The following CHRNA2 variants were observed in gnomAD, a reference collection of about 807,000 sequenced individuals.
CHRNA2 encodes neuronal acetylcholine receptor subunit alpha-2.
Under a neutral mutation model 45.5 loss-of-function variants are expected in CHRNA2, and 40 were observed. The observed-to-expected ratio is 0.88, with a 90% CI of 0.68 to 1.15. The LOEUF (loss-of-function observed/expected upper bound fraction) is 1.15. Among genes scored for constraint, CHRNA2 ranks in the 50% most tolerant of loss-of-function variants. The pLI is 0.00. For synonymous variants in CHRNA2, 301 were observed against 296.7 expected (o/e 1.01, Z -0.15); for missense variants, 655 against 701.7 (o/e 0.93, Z 0.75).
intron 4 of CHRNA2, 49 bp downstream of exon 4, chr8:27,469,286 C>T: frequency 6.5e-7 from 1 of 1,535,114 alleles, no homozygotes; most frequent in Non-Finnish European, 8.8e-7. Flanking sequence ...GTCTGGGGTC[C>T]ATGGATTCCC....
Position 27,463,251 on chromosome 8 carries a change from T to C in CHRNA2, c.1192A>G (p.Ser398Gly), listed in dbSNP as rs1375759256. ...ELCHPLRLKL[S>G]PSYHWLESNV... Reference sequence around the variant, plus strand: ...CTCTCCAGCCAGTGATAAGAGGGGCTGAGCTTCAGGCGTAGGGGGTGGCAG... The same window carrying C: ...CTCTCCAGCCAGTGATAAGAGGGGCCGAGCTTCAGGCGTAGGGGGTGGCAG... The change falls in exon 6 of 7, where the codon AGC becomes GGC. Residue 398 changes from serine to glycine, a missense_variant. Coordinates refer to ENST00000407991, the MANE Select transcript of CHRNA2 (RefSeq NM_000742.4). The surrounding 1 kb of genome is among the most constrained non-coding windows in gnomAD (Gnocchi z 6.1). 6.3e-7 allele frequency: 1 copy of C among 1,599,026 alleles called. No individual in the cohort carries two copies. Among genetic ancestry groups the C allele is most frequent in the African/African-American group, 1.3e-5 (1 of 74,662 alleles).
chr8:27,473,584 G>C (rs1812967168), intron 1 of CHRNA2, among the ~76,000 whole-genome samples: 1 of 147,148 alleles, frequency 6.8e-6, no homozygotes, highest in Non-Finnish European at 1.5e-5. Flanking sequence ...GTGCGTGCCT[G>C]TGATCTCAGC....
chr8:27,464,373 T>C (rs117807122), intron 5 of CHRNA2, among the ~76,000 whole-genome samples: 37 of 152,344 alleles, frequency 2.4e-4, no homozygotes, highest in Non-Finnish European at 5.0e-4. Context: ...TGTTGCTTGA[T>C]TGCCTATTTT....
intron 1 of CHRNA2, among the ~76,000 whole-genome samples, chr8:27,476,800 A>C (rs1476075664): frequency 6.6e-6 from 1 of 152,216 alleles, no homozygotes; most frequent in Non-Finnish European, 1.5e-5. Context: ...ATTAGAACAC[A>C]GGGCTGATTT....
chr8:27,461,719 G>A lies in CHRNA2; in HGVS notation c.1500C>T (p.Ile500=), dbSNP rs143223159. The A allele has an allele frequency of 2.5e-4, 410 of 1,614,156 alleles. 3 individuals are homozygous for A. In the African/African-American group the frequency reaches 4.7e-3, roughly 19 times the overall value. ...TAAACAGCCAGAGGAAGATCCTGTC[G>A]ATGACCATGGCAACATACTTCCAGT... ...KEDWKYVAMV[I]DRIFLWLFII... is the part of the protein sequence containing the mutation. The change falls in exon 7 of 7, where the codon ATC becomes ATT. Residue 500 remains isoleucine (I), a synonymous_variant. Transcript: ENST00000407991.
In CHRNA2 at chr8:27,463,767, A is replaced by C. The variant is rs1259563937; in HGVS notation, c.676T>G (p.Trp226Gly). The change falls in exon 6 of 7, where the codon TGG (tryptophan) becomes GGG (glycine). Residue 226 changes from tryptophan to glycine, a missense_variant. Physicochemically the swap from Trp to Gly is radical, Grantham distance 184. Transcript: ENST00000407991. This position sits in a 1 kb window ranked among gnomAD's most constrained non-coding sequence, Gnocchi z 6.1. ...MEQTVDLKDY[W>G]ESGEWAIVNA... Reference sequence around the variant, plus strand: ...ACGATGGCCCACTCGCCGCTCTCCCAGTAGTCCTTCAGGTCCACAGTCTGC... The same window carrying C: ...ACGATGGCCCACTCGCCGCTCTCCCCGTAGTCCTTCAGGTCCACAGTCTGC... 1 of 1,614,146 alleles carries C rather than the reference A, an allele frequency of 6.2e-7. No homozygotes were observed. The highest frequency in any genetic ancestry group is 1.1e-5 in the South Asian group (1 of 91,080).
At chr8:27,471,249 T>G (rs1451520424) in intron 1 of CHRNA2, 55 bp from the exon 2 acceptor site, 2 of 590,694 alleles carry the variant, frequency 3.4e-6, no homozygotes, top group East Asian at 3.0e-5. Flanking sequence ...CATAGGCATA[T>G]TTCTGTTTCT....
In CHRNA2 at chr8:27,461,662, G is replaced by T. The variant is rs752689106; in HGVS notation, c.1557C>A (p.Leu519=). ...TTCCAGCTAGGAACGGAGGCAGAAA[G>T]AGGCCGATGGTCCCCAGGAAGCAGA... ...IIVCFLGTIG[L]FLPPFLAGMI The change falls in exon 7 of 7, where the codon CTC becomes CTA. Residue 519 remains leucine (L), a synonymous_variant. Transcript: ENST00000407991. 1.2e-6 allele frequency: 2 copies of T among 1,614,150 alleles called. No individual in the cohort carries two copies. Among genetic ancestry groups the T allele is most frequent in the African/African-American group, 1.3e-5 (1 of 74,948 alleles).
chr8:27,462,033 G>A (rs1266386913), intron 6 of CHRNA2, among the ~76,000 whole-genome samples: 1 of 152,248 alleles, frequency 6.6e-6, no homozygotes, highest in Non-Finnish European at 1.5e-5. Flanking sequence ...GGTAAAGGAG[G>A]CTAGAGGGAC....
At chr8:27,469,733 C>G (rs376078367) in intron 3 of CHRNA2, 28 bp downstream of exon 3, 7 of 1,613,400 alleles carry the variant, frequency 4.3e-6, no homozygotes, top group Middle Eastern at 1.7e-4. Context: ...TCTCCTTCCT[C>G]GGGCCAGCGG....
At chr8:27,471,614 G>C (rs1474508134) in intron 1 of CHRNA2, among the ~76,000 whole-genome samples, 1 of 152,258 alleles carries the variant, frequency 6.6e-6, no homozygotes. Flanking sequence ...ACAAAAGGCA[G>C]TAAATCCTTA....
intron 1 of CHRNA2, among the ~76,000 whole-genome samples, chr8:27,473,402 A>G (rs1328415479): frequency 6.6e-6 from 1 of 152,168 alleles, no homozygotes; most frequent in Non-Finnish European, 1.5e-5. Flanking sequence ...AAGTGGCTTT[A>G]AAAATATAAA....
At position 27,467,260 on chromosome 8, in the gene CHRNA2, T is replaced by C. The variant is rs1812725141; in HGVS notation, c.418A>G (p.Ile140Val). ...ITSLRVPSEM[I>V]WIPDIVLYNN... ...TAGAGAACAATGTCGGGGATCCAGA[T>C]CATCTCAGAAGGGACCCTGAGAGAT... The change falls in exon 5 of 7, where the codon ATC becomes GTC. Residue 140 changes from isoleucine (I) to valine (V), a missense_variant. Ile to Val is a conservative substitution (Grantham distance 29, BLOSUM62 3). Transcript: ENST00000407991. 6.2e-7 allele frequency: 1 copy of C among 1,613,970 alleles called. No individual in the cohort carries two copies. The highest frequency in any genetic ancestry group is 1.1e-5 in the South Asian group (1 of 91,076).
At chr8:27,469,648 C>A (rs568484025) in intron 3 of CHRNA2, 113 bp downstream of exon 3, 5 of 1,371,292 alleles carry the variant, frequency 3.6e-6, no homozygotes, top group Non-Finnish European at 3.1e-6. Flanking sequence ...CAACCCCACC[C>A]CAAGTCACTG....
chr8:27,468,885 G>A (rs1373781201), intron 4 of CHRNA2, among the ~76,000 whole-genome samples: 1 of 152,212 alleles, frequency 6.6e-6, no homozygotes, highest in African/African-American at 2.4e-5. Flanking sequence ...TTATTTGGGT[G>A]GCAGTATAGG....
At chr8:27,471,260 C>T (rs1036302797) in intron 1 of CHRNA2, 66 bp from the exon 2 acceptor site, 17 of 565,896 alleles carry the variant, frequency 3.0e-5, no homozygotes, top group African/African-American at 2.5e-4. Context: ...TTCTGTTTCT[C>T]ATGCTCCACA....
At chr8:27,461,858 C>T in intron 6 of CHRNA2, 104 bp from the exon 7 acceptor site, 2 of 1,528,876 alleles carry the variant, frequency 1.3e-6, no homozygotes, top group South Asian at 1.1e-5. Context: ...GCAGCAGCAA[C>T]TGCCCCACAG....
intron 1 of CHRNA2, among the ~76,000 whole-genome samples, chr8:27,473,573 G>A (rs1456787571): frequency 1.4e-5 from 2 of 147,370 alleles, no homozygotes; most frequent in Non-Finnish European, 3.0e-5. Context: ...TGGGCATAGT[G>A]GTGCGTGCCT....
At chr8:27,462,915 A>G (rs893942104) in intron 6 of CHRNA2, 64 bp downstream of exon 6, 4 of 1,602,510 alleles carry the variant, frequency 2.5e-6, no homozygotes, top group Non-Finnish European at 3.4e-6. Context: ...ACTCTGCGGT[A>G]AGGTGGTTCC....
Sources: allele counts gnomAD v4.1 joint callset (sites outside exome capture counted in the v4.1 genomes callset), GRCh38; gene constraint gnomAD v4.1.1; non-coding constraint Gnocchi (gnomAD v3.1); transcripts MANE v1.5; gene names NCBI Gene and HGNC (gene_info 2026-07-23, HGNC 2026-07-21).